The following VTCN1 variants were observed in gnomAD, a reference collection of about 807,000 sequenced individuals.
VTCN1 encodes the protein V-set domain containing T cell activation inhibitor 1.
A neutral mutation model predicts 26.5 loss-of-function variants in VTCN1; 26 were observed. The ratio of observed to expected loss-of-function variants is 0.98; its 90% confidence interval spans 0.72 to 1.36. The LOEUF is 1.36. Among genes scored for constraint, VTCN1 ranks in the 40% most tolerant of loss-of-function variants. The pLI, the probability that VTCN1 is intolerant of heterozygous loss-of-function variation, is 0.00. For synonymous variants in VTCN1, 116 were observed against 130.7 expected (o/e 0.89, Z 0.77); for missense variants, 298 against 337.7 (o/e 0.88, Z 0.92).
chr1:117,157,009 C>T, intron 2 of VTCN1, 88 bp from the exon 3 acceptor site: 4 of 1,605,228 alleles, frequency 2.5e-6, no homozygotes, highest in Non-Finnish European at 2.5e-6. Flanking sequence ...CAGACAGAGA[C>T]TTCTGTGATA....
chr1:117,150,966 G>T (rs1295734859), intron 4 of VTCN1, among the ~76,000 whole-genome samples: 1 of 152,142 alleles, frequency 6.6e-6, no homozygotes, highest in East Asian at 1.9e-4. Context: ...TTTTGAGCCT[G>T]AATGGTATTC....
intron 3 of VTCN1, among the ~76,000 whole-genome samples, chr1:117,154,695 A>C (rs1296794765): frequency 6.6e-6 from 1 of 151,272 alleles, no homozygotes; most frequent in Admixed American, 6.6e-5. Flanking sequence ...AGGCAGGAGA[A>C]TCACTTGAAC....
intron 1 of VTCN1, among the ~76,000 whole-genome samples, chr1:117,209,004 C>G (rs1649231731): frequency 6.6e-6 from 1 of 152,184 alleles, no homozygotes; most frequent in Admixed American, 6.5e-5. Context: ...GCAGGCTCCA[C>G]CTGCATCCCT....
chr1:117,186,122 T>C (rs1647931537), intron 1 of VTCN1, among the ~76,000 whole-genome samples: 2 of 152,204 alleles, frequency 1.3e-5, no homozygotes, highest in Non-Finnish European at 2.9e-5. Context: ...ATAGGAACCA[T>C]CTTTTCCAGA....
chr1:117,181,877 C>T (rs769728584), intron 1 of VTCN1, among the ~76,000 whole-genome samples: 3 of 152,186 alleles, frequency 2.0e-5, no homozygotes, highest in Non-Finnish European at 4.4e-5. Flanking sequence ...TCACCGTGAT[C>T]TGGGCCTCAG....
At position 117,150,865 on chromosome 1, in the gene VTCN1, T is replaced by C. The variant is rs578142150; in HGVS notation, c.724+2226A>G. On this transcript the variant is annotated intron_variant, in intron 4 of 5. Transcript: ENST00000369458. ...CTTTAGATGCTTTGTTTAAATCATA[T>C]AGTATTTGTCTTTTTGTGACTGGCT... Among the ~76,000 whole-genome samples, 5 of 152,336 alleles carry C rather than the reference T, an allele frequency of 3.3e-5. No homozygotes were observed. In the South Asian group the frequency reaches 6.2e-4, roughly 19 times the overall value.
intron 1 of VTCN1, among the ~76,000 whole-genome samples, chr1:117,207,000 G>A (rs1649104058): frequency 6.6e-6 from 1 of 152,118 alleles, no homozygotes; most frequent in South Asian, 2.1e-4. Context: ...CACAAATACG[G>A]CCTGTGCTGA....
chr1:117,175,433 C>T lies in VTCN1; in HGVS notation c.33-5262G>A, dbSNP rs115269712. On this transcript the variant is annotated intron_variant, in intron 1 of 5. Coordinates refer to ENST00000369458, the MANE Select transcript of VTCN1 (RefSeq NM_024626.4). This position sits in a 1 kb window ranked among gnomAD's most constrained non-coding sequence, Gnocchi z 4.2. ...TGAAGCGGATGTGCAGCCTAGGACACGCAAGGGTAGGATGTACTTCTCTGG... is the reference window on the plus strand; with the variant it reads ...TGAAGCGGATGTGCAGCCTAGGACATGCAAGGGTAGGATGTACTTCTCTGG... 0.039 allele frequency among the ~76,000 whole-genome samples: 5,870 copies of T among 152,292 alleles called. 164 individuals carry two copies. Among genetic ancestry groups the T allele is most frequent in the South Asian group, 0.082 (396 of 4,824 alleles).
Position 117,156,648 on chromosome 1 carries a change from T to C in VTCN1, c.371A>G (p.Asp124Gly), listed in dbSNP as rs201360064. Residue 124 changes from aspartate (D) to glycine (G), a missense_variant, in exon 3 of 6, where the codon GAT (aspartate) becomes GGT (glycine). Asp to Gly is a moderately conservative substitution (Grantham distance 94). Transcript: ENST00000369458. ...SLRLKNVQLT[D>G]AGTYKCYIIT... is the part of the protein sequence containing the mutation. ...GATATAACATTTGTAGGTGCCAGCA[T>C]CTGTGAGTTGCACGTTTTTCAGCCG... The C allele has an allele frequency of 5.5e-5, 89 of 1,614,022 alleles. No individual in the cohort carries two copies. Among genetic ancestry groups the C allele is most frequent in the Non-Finnish European group, 6.4e-5 (75 of 1,180,014 alleles).
chr1:117,162,026 C>T (rs1447408063), intron 2 of VTCN1, among the ~76,000 whole-genome samples: 1 of 152,130 alleles, frequency 6.6e-6, no homozygotes, highest in Non-Finnish European at 1.5e-5. Context: ...TGAAATATCT[C>T]CCAGAGAAGT....
chr1:117,144,416 A>G lies in VTCN1; in HGVS notation c.*855T>C, dbSNP rs1651408378. On this transcript the variant is annotated 3_prime_UTR_variant, in exon 6 of 6. Transcript: ENST00000369458. Reference sequence around the variant, plus strand: ...CACCCCAGCTGAGTCCCACTGCTCTAGATGCTATTGAAAACTGAGGTCTTA... The same window carrying G: ...CACCCCAGCTGAGTCCCACTGCTCTGGATGCTATTGAAAACTGAGGTCTTA... 1 of 152,206 alleles carries G rather than the reference A, an allele frequency of 6.6e-6. No individual in the cohort carries two copies. Among genetic ancestry groups the G allele is most frequent in the African/African-American group, 2.4e-5 (1 of 41,438 alleles). 9.4% of individuals were successfully genotyped at this position (152,206 alleles called of 1,614,324 possible).
At chr1:117,154,796 A>G (rs2101459646) in intron 3 of VTCN1, among the ~76,000 whole-genome samples, 1 of 151,582 alleles carries the variant, frequency 6.6e-6, no homozygotes. Flanking sequence ...AAAAAAAAAA[A>G]AAAAAAAGAA....
intron 1 of VTCN1, among the ~76,000 whole-genome samples, chr1:117,206,381 G>A (rs1233457486): frequency 6.6e-6 from 1 of 152,158 alleles, no homozygotes; most frequent in East Asian, 1.9e-4. Flanking sequence ...TGCAAGTAAT[G>A]AGTATAGCAA....
intron 2 of VTCN1, among the ~76,000 whole-genome samples, chr1:117,163,306 T>A (rs575952953): frequency 6.6e-6 from 1 of 152,348 alleles, no homozygotes; most frequent in African/African-American, 2.4e-5. Flanking sequence ...TGGTCAAGTT[T>A]TCTAACCCTT....
chr1:117,153,308 C>T lies in VTCN1; in HGVS notation c.507G>A (p.Glu169=), dbSNP rs761307752. The part of the protein sequence containing the change: ...YNASSETLRC[E]APRWFPQPTV... Reference sequence around the variant, plus strand: ...TGGGCTGGGGGAACCATCGGGGAGCCTCACACCGCAAGGTCTCTGAGCTGG... The same window carrying T: ...TGGGCTGGGGGAACCATCGGGGAGCTTCACACCGCAAGGTCTCTGAGCTGG... The change falls in exon 4 of 6, where the codon GAG becomes GAA. Residue 169 remains glutamate, a synonymous_variant. Coordinates refer to ENST00000369458, the MANE Select transcript of VTCN1 (RefSeq NM_024626.4). 3 of 1,614,030 alleles carry T rather than the reference C, an allele frequency of 1.9e-6. No individual in the cohort carries two copies. In the South Asian group the frequency reaches 3.3e-5, roughly 18 times the overall value.
intron 1 of VTCN1, among the ~76,000 whole-genome samples, chr1:117,178,588 G>GTTTT (rs10657719): frequency 0.02 from 1,748 of 88,220 alleles, 198 homozygotes; most frequent in Admixed American, 0.024. Context: ...TCTTTCTTTC[G>GTTTT]TTTTTTTTTT....
chr1:117,189,853 T>C (rs886608531), intron 1 of VTCN1, among the ~76,000 whole-genome samples: 19 of 152,052 alleles, frequency 1.2e-4, no homozygotes, highest in African/African-American at 4.6e-4. Context: ...ACCAGTGCCT[T>C]TGTGGGAGCC....
chr1:117,209,213 A>T (rs1343694182), intron 1 of VTCN1, among the ~76,000 whole-genome samples: 1 of 152,158 alleles, frequency 6.6e-6, no homozygotes, highest in Non-Finnish European at 1.5e-5. Context: ...AGGGTAGGGG[A>T]TACGAATTTT....
In VTCN1 at chr1:117,156,704, A is replaced by G; in HGVS notation, c.315T>C (p.Ala105=). Residue 105 remains alanine, a synonymous_variant, in exon 3 of 6, where the codon GCT becomes GCC. Coordinates refer to ENST00000369458, the MANE Select transcript of VTCN1 (RefSeq NM_024626.4). ...AGGCATTGCCAACTATCACTTGATC[A>G]GCAAACACTGCTGTCCGGCCTCTGA... is the stretch of plus-strand genomic sequence containing the variant. ...EMFRGRTAVF[A]DQVIVGNASL... 1 of 1,614,210 alleles carries G rather than the reference A, an allele frequency of 6.2e-7. No homozygotes were observed. Among genetic ancestry groups the G allele is most frequent in the Non-Finnish European group, 8.5e-7 (1 of 1,180,034 alleles).
Sources: allele counts gnomAD v4.1 joint callset (sites outside exome capture counted in the v4.1 genomes callset), GRCh38; gene constraint gnomAD v4.1.1; non-coding constraint Gnocchi (gnomAD v3.1); transcripts MANE v1.5; gene names NCBI Gene and HGNC (gene_info 2026-07-23, HGNC 2026-07-21).